CLSTN2: variants seen among roughly 807,000 people sequenced by gnomAD.
CLSTN2 encodes calsyntenin-2.
In CLSTN2, 48 loss-of-function variants were observed where a neutral mutation model predicts 101.2. The ratio of observed to expected loss-of-function variants is 0.47; its 90% CI spans 0.38 to 0.60. The LOEUF is 0.60. Ranked by LOEUF, CLSTN2 falls within the 20% of genes least tolerant of loss-of-function variation. The pLI, the probability that CLSTN2 is intolerant of heterozygous loss-of-function variation, is 0.00. For missense variants in CLSTN2, 1,160 were observed against 1,238.2 expected, an observed-to-expected ratio of 0.94 and a Z score of 0.95; for synonymous variants, 481 against 463.6, an observed-to-expected ratio of 1.04 and a Z score of -0.48.
At chr3:140,369,198 G>A (rs1282079220) in intron 2 of CLSTN2, among the ~76,000 whole-genome samples, 1 of 152,172 alleles carries the variant, frequency 6.6e-6, no homozygotes, top group Non-Finnish European at 1.5e-5. Context: ...AAGACCGATT[G>A]TTTAAATGAG....
intron 15 of CLSTN2, among the ~76,000 whole-genome samples, chr3:140,563,514 C>T (rs1328080712): frequency 1.3e-5 from 2 of 152,146 alleles, no homozygotes; most frequent in African/African-American, 4.8e-5. Context: ...CACACTCACA[C>T]ACACGTACAC....
chr3:140,281,482 TC>T (rs2086847051), intron 2 of CLSTN2, among the ~76,000 whole-genome samples: 2 of 152,168 alleles, frequency 1.3e-5, no homozygotes, highest in South Asian at 4.1e-4. Flanking sequence ...AGGACTGAGT[TC>T]CGTGGTCACT....
rs563210511 is a variant in CLSTN2, at chr3:140,460,257, G to T, written c.1222+488G>T. On this transcript the variant is annotated intron_variant, in intron 7 of 16. Transcript: ENST00000458420. The stretch of plus-strand genomic sequence containing the variant: ...TATATAGTAATGATAGCTACCATTC[G>T]ATAGGCTTTTCAGCATGCTGAGCCT... 3.6e-5 allele frequency: 6 copies of T among 164,568 alleles called. No individual in the cohort carries two copies. The South Asian group carries it at 7.9e-4, about 22-fold the overall frequency. The allele number at this position is 164,568 out of a possible 1,614,324, so 10.2% of individuals were successfully genotyped here.
intron 2 of CLSTN2, among the ~76,000 whole-genome samples, chr3:140,378,305 A>G (rs193199075): frequency 6.6e-6 from 1 of 152,346 alleles, no homozygotes; most frequent in East Asian, 1.9e-4. Flanking sequence ...CATGTAGTAG[A>G]TGCTCAGTAA....
chr3:140,557,340 G>A (rs1935818898), intron 11 of CLSTN2, among the ~76,000 whole-genome samples: 2 of 152,202 alleles, frequency 1.3e-5, no homozygotes, highest in Admixed American at 1.3e-4. Context: ...TCTGCTGACT[G>A]CCACATTGTT....
At chr3:140,498,525 C>T (rs142657439) in intron 8 of CLSTN2, among the ~76,000 whole-genome samples, 201 of 152,364 alleles carry the variant, frequency 1.3e-3, no homozygotes, top group African/African-American at 4.4e-3. Context: ...ATGTATGATA[C>T]ATCCAGTTTC....
In CLSTN2 at chr3:140,568,830, G is replaced by A. The variant is rs1008482531; in HGVS notation, c.*2577G>A. On this transcript the variant is annotated 3_prime_UTR_variant, in exon 17 of 17. Coordinates refer to ENST00000458420, the MANE Select transcript of CLSTN2 (RefSeq NM_022131.3). The stretch of plus-strand genomic sequence containing the variant: ...AGGTAAAATCTTTATATGTGTTGGG[G>A]TTTTTTTGGTAGGGGGGGTAGCAGG... 3 of 152,030 alleles carry A rather than the reference G, an allele frequency of 2.0e-5. No homozygotes were observed. The highest frequency in any genetic ancestry group is 4.4e-5 in the Non-Finnish European group (3 of 68,052). 9.4% of individuals were successfully genotyped at this position (152,030 alleles called of 1,614,324 possible).
intron 1 of CLSTN2, among the ~76,000 whole-genome samples, chr3:139,984,842 A>G (rs909586449): frequency 9.9e-5 from 15 of 152,240 alleles, no homozygotes; most frequent in African/African-American, 3.6e-4. Context: ...CTTGGATCCT[A>G]ACTGAATATC....
At chr3:140,338,998 G>A (rs142235588) in intron 2 of CLSTN2, among the ~76,000 whole-genome samples, 195 of 152,354 alleles carry the variant, frequency 1.3e-3, no homozygotes, top group Middle Eastern at 6.8e-3. Flanking sequence ...TGCTCCACTA[G>A]GAGGGAGTAG....
chr3:140,359,969 A>G (rs1292929304), intron 2 of CLSTN2, among the ~76,000 whole-genome samples: 1 of 147,398 alleles, frequency 6.8e-6, no homozygotes, highest in African/African-American at 2.5e-5. Context: ...TGTAATATAT[A>G]TACACACATA....
At chr3:140,426,706 C>T (rs1246995415) in intron 5 of CLSTN2, among the ~76,000 whole-genome samples, 1 of 152,088 alleles carries the variant, frequency 6.6e-6, no homozygotes, top group Non-Finnish European at 1.5e-5. Flanking sequence ...TAGTAAGGAC[C>T]TATGGTTACC....
At chr3:140,527,673 C>T (rs1434657583) in intron 8 of CLSTN2, among the ~76,000 whole-genome samples, 5 of 152,108 alleles carry the variant, frequency 3.3e-5, no homozygotes, top group Non-Finnish European at 7.4e-5. Flanking sequence ...AACCTAGGTG[C>T]CCATCAACAG....
intron 1 of CLSTN2, among the ~76,000 whole-genome samples, chr3:140,129,740 A>C (rs2009493699): frequency 6.6e-6 from 1 of 152,138 alleles, no homozygotes; most frequent in Non-Finnish European, 1.5e-5. Context: ...TGAACTACTA[A>C]TCAGGCACCA....
At chr3:140,163,651 G>A (rs114909833) in intron 1 of CLSTN2, among the ~76,000 whole-genome samples, 1 of 151,098 alleles carries the variant, frequency 6.6e-6, no homozygotes, top group African/African-American at 2.4e-5. Flanking sequence ...GACTTCTTGT[G>A]GGGAGAAGGA....
At chr3:140,461,928 C>T (rs1224383578) in intron 7 of CLSTN2, among the ~76,000 whole-genome samples, 1 of 150,346 alleles carries the variant, frequency 6.7e-6, no homozygotes. Context: ...TATAAATACC[C>T]CATCCTAAAT....
At chr3:140,357,001 G>A (rs2087677902) in intron 2 of CLSTN2, among the ~76,000 whole-genome samples, 1 of 152,124 alleles carries the variant, frequency 6.6e-6, no homozygotes, top group African/African-American at 2.4e-5. Flanking sequence ...GAAGAAAGCA[G>A]CCCTGGGCCA....
chr3:140,278,427 C>G (rs2086814752), intron 2 of CLSTN2, among the ~76,000 whole-genome samples: 1 of 152,156 alleles, frequency 6.6e-6, no homozygotes, highest in Non-Finnish European at 1.5e-5. Context: ...GAAGCACTTT[C>G]TCTCCTTTTC....
At chr3:140,432,582 G>A (rs887736046) in intron 5 of CLSTN2, among the ~76,000 whole-genome samples, 5 of 152,176 alleles carry the variant, frequency 3.3e-5, no homozygotes, top group African/African-American at 1.2e-4. Flanking sequence ...ATAACGACCT[G>A]TTTTGACATC....
intron 10 of CLSTN2, among the ~76,000 whole-genome samples, chr3:140,552,151 C>T (rs1378998241): frequency 6.6e-6 from 1 of 152,074 alleles, no homozygotes; most frequent in African/African-American, 2.4e-5. Context: ...TGTGGGGCTG[C>T]AGATGCCAGT....
Sources: allele counts gnomAD v4.1 joint callset (sites outside exome capture counted in the v4.1 genomes callset), GRCh38; gene constraint gnomAD v4.1.1; transcripts MANE v1.5; gene names NCBI Gene and HGNC (gene_info 2026-07-23, HGNC 2026-07-21).